Variants in NOCT observed in about 807,000 individuals in gnomAD.
NOCT encodes the protein nocturnin.
Under a neutral mutation model 35.0 loss-of-function variants are expected in NOCT, and 18 were observed. That is an observed-to-expected ratio of 0.51 (90% CI 0.36 to 0.76). The LOEUF is 0.76. Ranked by LOEUF, NOCT falls within the 30% of genes least tolerant of loss-of-function variation. The probability of loss-of-function intolerance (pLI) is 0.01; values close to 1 mark genes in which losing one functional copy is unlikely to be tolerated. For synonymous variants in NOCT, 235 were observed against 226.3 expected, an observed-to-expected ratio of 1.04 and a Z score of -0.34; for missense variants, 479 against 541.0, an observed-to-expected ratio of 0.89 and a Z score of 1.14.
chr4:139,025,539 G>A (rs915815866), intron 1 of NOCT, among the ~76,000 whole-genome samples: 1 of 152,144 alleles, frequency 6.6e-6, no homozygotes, highest in Admixed American at 6.5e-5. Context: ...GGCCAGGCGC[G>A]GTGGCTCACG....
At chr4:139,031,051 C>T (rs936966305) in intron 1 of NOCT, among the ~76,000 whole-genome samples, 5 of 152,228 alleles carry the variant, frequency 3.3e-5, no homozygotes, top group African/African-American at 1.2e-4. Flanking sequence ...TAATTAGACG[C>T]TGAATGGTTT....
intron 1 of NOCT, among the ~76,000 whole-genome samples, chr4:139,038,617 C>G (rs559866811): frequency 6.6e-6 from 1 of 152,134 alleles, no homozygotes; most frequent in East Asian, 1.9e-4. Flanking sequence ...AGTGCCAGTA[C>G]CACCACTACT....
At position 139,043,256 on chromosome 4, in the gene NOCT, T is replaced by C; in HGVS notation, c.373T>C (p.Phe125Leu). Residue 125 changes from phenylalanine (F) to leucine (L), a missense_variant, in exon 2 of 3, where the codon TTC (phenylalanine) becomes CTC (leucine). Phe to Leu is a conservative substitution (Grantham distance 22). Around this residue, in one of 2 missense-constraint regions of NOCT, gnomAD observed 265 missense variants for 257.0 expected, o/e 1.03. Transcript: ENST00000280614. The part of the protein sequence containing the change: ...RAVLHTRPPR[F>L]QRDFVDLRTD... ...CGTCCTGCACACCCGACCTCCCCGG[T>C]TCCAGAGGGATTTTGTGGATCTGAG... is the stretch of plus-strand genomic sequence containing the variant. 4 of 1,614,192 alleles carry C rather than the reference T, an allele frequency of 2.5e-6. No homozygotes were observed. The highest frequency in any genetic ancestry group is 3.4e-6 in the Non-Finnish European group (4 of 1,180,028).
In NOCT at chr4:139,045,789, CAAAT is replaced by C. The variant is rs1364235943; in HGVS notation, c.*317_*320del. 3 of 205,002 alleles carry C rather than the reference CAAAT, an allele frequency of 1.5e-5. No homozygotes were observed. The highest frequency in any genetic ancestry group is 2.9e-5 in the Non-Finnish European group (3 of 101,786). The allele number at this position is 205,002 out of a possible 1,614,324, so 12.7% of individuals were successfully genotyped here. On this transcript the variant is annotated 3_prime_UTR_variant, in exon 3 of 3. Coordinates refer to ENST00000280614, the MANE Select transcript of NOCT (RefSeq NM_012118.4). ...TCTTAACAGGGAATGTTTCAGGAAA[CAAAT>C]AGGATAAGACAATGCCAGAGGAAGG... is the stretch of plus-strand genomic sequence containing the variant.
intron 1 of NOCT, among the ~76,000 whole-genome samples, chr4:139,022,767 G>T (rs1488774329): frequency 1.3e-5 from 2 of 152,130 alleles, no homozygotes; most frequent in Admixed American, 1.3e-4. Context: ...CTGCTCTTGA[G>T]CTCTTGGCAA....
At chr4:139,029,827 A>G (rs1439224082) in intron 1 of NOCT, among the ~76,000 whole-genome samples, 1 of 152,110 alleles carries the variant, frequency 6.6e-6, no homozygotes, top group Non-Finnish European at 1.5e-5. Flanking sequence ...GACGTGTCAC[A>G]TTGTTTGAGT....
intron 1 of NOCT, among the ~76,000 whole-genome samples, chr4:139,024,311 C>T (rs1199089464): frequency 1.3e-5 from 2 of 152,058 alleles, no homozygotes; most frequent in African/African-American, 4.8e-5. Context: ...CTTCTGCCTC[C>T]CAAAGTACTG....
Position 139,015,880 on chromosome 4 carries a change from C to G in NOCT, c.-102C>G. On this transcript the variant is annotated 5_prime_UTR_variant, in exon 1 of 3. Coordinates refer to ENST00000280614, the MANE Select transcript of NOCT (RefSeq NM_012118.4). ...GCGCGAGAAGGAGCCTGGGAGCATC[C>G]GCCCACACTGCCCGGACAGTCGGCT... 1.0e-6 allele frequency: 1 copy of G among 953,506 alleles called. No individual in the cohort carries two copies. Among genetic ancestry groups the G allele is most frequent in the Non-Finnish European group, 1.4e-6 (1 of 732,886 alleles). 59.1% of individuals were successfully genotyped at this position (953,506 alleles called of 1,614,324 possible). A position where few individuals can be genotyped will look rare whatever the true frequency, so the allele number is the denominator to read the frequency against.
chr4:139,031,191 C>T (rs966498263), intron 1 of NOCT, among the ~76,000 whole-genome samples: 1 of 151,758 alleles, frequency 6.6e-6, no homozygotes, highest in Non-Finnish European at 1.5e-5. Flanking sequence ...GCTCTGTTGC[C>T]CAAGCTGGAG....
At chr4:139,023,421 C>A (rs987711472) in intron 1 of NOCT, among the ~76,000 whole-genome samples, 2 of 152,188 alleles carry the variant, frequency 1.3e-5, no homozygotes, top group Non-Finnish European at 2.9e-5. Context: ...CATTGAAGGT[C>A]TGCTGAAGGA....
At chr4:139,018,196 T>C (rs1417232866) in intron 1 of NOCT, among the ~76,000 whole-genome samples, 2 of 150,116 alleles carry the variant, frequency 1.3e-5, no homozygotes, top group African/African-American at 4.9e-5. Flanking sequence ...AGAACAACAT[T>C]GTTAGAGGTT....
intron 1 of NOCT, among the ~76,000 whole-genome samples, chr4:139,023,553 T>C (rs1166912496): frequency 6.6e-6 from 1 of 152,198 alleles, no homozygotes; most frequent in African/African-American, 2.4e-5. Flanking sequence ...TGGAGTACGA[T>C]GGCGCGATGT....
rs114601071 is a variant in NOCT, at chr4:139,018,604, C to G, written c.190+2433C>G. Reference sequence around the variant, plus strand: ...TGGAAGAAACATGCCTGCATTGATTCATTCATTGCTTGTTCACTCATTCCA... The same window carrying G: ...TGGAAGAAACATGCCTGCATTGATTGATTCATTGCTTGTTCACTCATTCCA... On this transcript the variant is annotated intron_variant, in intron 1 of 2. Transcript: ENST00000280614. Among the ~76,000 whole-genome samples the G allele has an allele frequency of 1.9e-3, 295 of 152,344 alleles. 1 individual carries two copies. The highest frequency in any genetic ancestry group is 0.014 in the Middle Eastern group (4 of 294).
intron 1 of NOCT, among the ~76,000 whole-genome samples, chr4:139,022,554 A>T (rs1726437215): frequency 6.6e-6 from 1 of 152,162 alleles, no homozygotes; most frequent in South Asian, 2.1e-4. Context: ...CCGGGTAGAC[A>T]ACAGCCACAT....
chr4:139,018,148 T>C (rs1461178269), intron 1 of NOCT, among the ~76,000 whole-genome samples: 2 of 136,664 alleles, frequency 1.5e-5, no homozygotes, highest in Non-Finnish European at 3.0e-5. Context: ...CCAGAATGAG[T>C]ATATTGCCTG....
intron 1 of NOCT, among the ~76,000 whole-genome samples, chr4:139,037,651 C>T (rs541476768): frequency 2.0e-5 from 3 of 152,230 alleles, no homozygotes; most frequent in African/African-American, 7.2e-5. Context: ...TGAAAAGTTT[C>T]CCCCGTTCTA....
intron 1 of NOCT, among the ~76,000 whole-genome samples, chr4:139,020,175 C>T (rs1726381750): frequency 6.6e-6 from 1 of 152,160 alleles, no homozygotes; most frequent in Non-Finnish European, 1.5e-5. Flanking sequence ...ATAACCATGG[C>T]TCCAGATTCA....
At chr4:139,025,565 C>T (rs1043111121) in intron 1 of NOCT, among the ~76,000 whole-genome samples, 1 of 152,192 alleles carries the variant, frequency 6.6e-6, no homozygotes, top group African/African-American at 2.4e-5. Context: ...AATCCCAGCA[C>T]TTTGGGAGGC....
chr4:139,027,870 C>A (rs935202592), intron 1 of NOCT, among the ~76,000 whole-genome samples: 1 of 151,896 alleles, frequency 6.6e-6, no homozygotes, highest in African/African-American at 2.4e-5. Flanking sequence ...CTTAAGGTTC[C>A]CCCCCTCCCC....
Sources: gnomAD v4.1 joint callset for allele counts (sites outside exome capture counted in the v4.1 genomes callset) on GRCh38, gnomAD v4.1.1 for gene constraint, gnomAD v4.1.1 regional missense constraint, MANE v1.5 for transcripts, NCBI Gene and HGNC (gene_info 2026-07-23, HGNC 2026-07-21) for gene names.